GIGYF2: variants seen among roughly 807,000 people sequenced by gnomAD.
The protein encoded by GIGYF2 is GRB10 interacting GYF protein 2.
Under a neutral mutation model 208.1 loss-of-function variants are expected in GIGYF2, and 25 were observed. That is an observed-to-expected ratio of 0.12 (90% CI 0.09 to 0.17). The LOEUF (loss-of-function observed/expected upper bound fraction) is 0.17. Among genes scored for constraint, GIGYF2 ranks in the 10% least tolerant of loss-of-function variants. GIGYF2 has a pLI of 1.00. For synonymous variants in GIGYF2, 534 were observed against 543.8 expected, an observed-to-expected ratio of 0.98 and a Z score of 0.25; for missense variants, 1,302 against 1,579.4, an observed-to-expected ratio of 0.82 and a Z score of 2.98.
At chr2:232,758,205 A>G (rs1698619717) in intron 6 of GIGYF2, among the ~76,000 whole-genome samples, 1 of 152,206 alleles carries the variant, frequency 6.6e-6, no homozygotes, top group African/African-American at 2.4e-5. Flanking sequence ...TTCTTTGTAT[A>G]GGCAGAGCTA....
intron 21 of GIGYF2, among the ~76,000 whole-genome samples, chr2:232,824,171 A>G (rs1214100037): frequency 6.6e-6 from 1 of 151,358 alleles, no homozygotes; most frequent in Non-Finnish European, 1.5e-5. Flanking sequence ...TATGGAAATT[A>G]GGCCAATTGG....
chr2:232,823,876 A>T (rs1701171633), intron 21 of GIGYF2, among the ~76,000 whole-genome samples: 1 of 152,206 alleles, frequency 6.6e-6, no homozygotes, highest in East Asian at 1.9e-4. Context: ...GCAGCCCTGC[A>T]TCGACCAAGT....
chr2:232,796,279 C>T (rs1559438932), intron 14 of GIGYF2, 58 bp downstream of exon 14: 2 of 1,079,686 alleles, frequency 1.9e-6, no homozygotes, highest in Non-Finnish European at 2.9e-6. Context: ...TCCAGAATCT[C>T]TAAGAAGGGA....
chr2:232,749,660 CTG>C (rs1202428441), intron 5 of GIGYF2, among the ~76,000 whole-genome samples: 1 of 152,000 alleles, frequency 6.6e-6, no homozygotes, highest in Non-Finnish European at 1.5e-5. Context: ...CTTATGATAA[CTG>C]TAGAAAAATG....
intron 13 of GIGYF2, 35 bp from the exon 14 acceptor site, chr2:232,796,027 A>G: frequency 6.5e-7 from 1 of 1,544,408 alleles, no homozygotes; most frequent in Non-Finnish European, 9.0e-7. Flanking sequence ...ATTTAGGATC[A>G]TTTGTTTCCT....
intron 8 of GIGYF2, among the ~76,000 whole-genome samples, chr2:232,778,904 TA>T: frequency 6.6e-6 from 1 of 152,312 alleles, no homozygotes. Context: ...TCTTATGTGA[TA>T]AGGTTAATCT....
At chr2:232,726,388 AT>A (rs1697204875) in intron 2 of GIGYF2, among the ~76,000 whole-genome samples, 1 of 150,424 alleles carries the variant, frequency 6.6e-6, no homozygotes, top group Non-Finnish European at 1.5e-5. Context: ...AAAAAAAAAA[AT>A]CATATGGGAG....
intron 1 of GIGYF2, among the ~76,000 whole-genome samples, chr2:232,701,404 CG>C (rs1695837831): frequency 6.6e-6 from 1 of 150,502 alleles, no homozygotes; most frequent in Non-Finnish European, 1.5e-5. Flanking sequence ...GTGATTGCAC[CG>C]CTGCGCTCCA....
chr2:232,808,799 A>G (rs990941993), intron 15 of GIGYF2, among the ~76,000 whole-genome samples: 1 of 152,094 alleles, frequency 6.6e-6, no homozygotes, highest in Admixed American at 6.5e-5. Context: ...ATATTATTTC[A>G]CATATAAGCT....
At chr2:232,819,757 A>G in intron 20 of GIGYF2, 70 bp from the exon 21 acceptor site, 2 of 840,108 alleles carry the variant, frequency 2.4e-6, no homozygotes, top group South Asian at 1.4e-5. Flanking sequence ...CTTTCCAAAT[A>G]TGACATAATA....
intron 18 of GIGYF2, among the ~76,000 whole-genome samples, chr2:232,813,393 A>C (rs1433421688): frequency 2.0e-5 from 3 of 152,108 alleles, no homozygotes; most frequent in Non-Finnish European, 4.4e-5. Context: ...TATTTTTAGT[A>C]GAGACAGGAT....
At chr2:232,842,146 A>G (rs1237813647) in intron 23 of GIGYF2, among the ~76,000 whole-genome samples, 1 of 151,490 alleles carries the variant, frequency 6.6e-6, no homozygotes, top group Non-Finnish European at 1.5e-5. Context: ...TACCCTTTTT[A>G]TCTTTTCTAT....
At chr2:232,708,126 A>G (rs910727802) in intron 2 of GIGYF2, among the ~76,000 whole-genome samples, 1 of 151,840 alleles carries the variant, frequency 6.6e-6, no homozygotes, top group Admixed American at 6.6e-5. Context: ...GCACATGGCT[A>G]ATTTTTCTAT....
chr2:232,735,448 G>T (rs1307419516), intron 3 of GIGYF2: 1 of 460,348 alleles, frequency 2.2e-6, no homozygotes, highest in Non-Finnish European at 3.8e-6. Context: ...TCTTTGTCTG[G>T]TTATATATGT....
chr2:232,845,960 C>G (rs1701987794), intron 26 of GIGYF2, 74 bp downstream of exon 26: 2 of 977,830 alleles, frequency 2.0e-6, no homozygotes, highest in African/African-American at 1.6e-5. Context: ...CAAATTTGAA[C>G]AGTGGGCCAA....
At chr2:232,741,279 A>G (rs192943147) in intron 3 of GIGYF2, among the ~76,000 whole-genome samples, 6 of 152,084 alleles carry the variant, frequency 3.9e-5, no homozygotes, top group Admixed American at 2.0e-4. Flanking sequence ...CTCTGTTCCT[A>G]TATCGGGTCT....
chr2:232,719,480 C>CT (rs1248659552), intron 2 of GIGYF2, among the ~76,000 whole-genome samples: 2 of 152,122 alleles, frequency 1.3e-5, no homozygotes, highest in Non-Finnish European at 2.9e-5. Flanking sequence ...AGGTCAGAGT[C>CT]TGTCTTTTCT....
chr2:232,836,262 A>C (rs1701587989), intron 22 of GIGYF2, among the ~76,000 whole-genome samples: 2 of 49,762 alleles, frequency 4.0e-5, no homozygotes, highest in African/African-American at 7.5e-5. Flanking sequence ...CCCCATCTCT[A>C]CATATATATA....
At chr2:232,737,019 A>T (rs142101116) in intron 3 of GIGYF2, among the ~76,000 whole-genome samples, 4 of 152,336 alleles carry the variant, frequency 2.6e-5, no homozygotes, top group African/African-American at 7.2e-5. Context: ...GGGACTGTAA[A>T]GTTTTTGTAA....
Sources: allele counts gnomAD v4.1 joint callset (sites outside exome capture counted in the v4.1 genomes callset), GRCh38; gene constraint gnomAD v4.1.1; transcripts MANE v1.5; gene names NCBI Gene and HGNC (gene_info 2026-07-23, HGNC 2026-07-21).